Variants in SGK1 observed in about 807,000 individuals in gnomAD.
The protein encoded by SGK1 is serum/glucocorticoid regulated kinase 1.
SGK1 carries 26 observed loss-of-function variants against 64.2 expected under a neutral mutation model. The observed-to-expected ratio is 0.40, with a 90% CI of 0.30 to 0.56. The LOEUF is 0.56. SGK1 is among the 20% of genes least tolerant of loss of function. The pLI, the probability that SGK1 is intolerant of heterozygous loss-of-function variation, is 0.38. For missense variants in SGK1, 519 were observed against 645.6 expected (o/e 0.80, Z 2.12); for synonymous variants, 265 against 239.7 (o/e 1.11, Z -0.98).
At chr6:134,298,019 C>A in intron 1 of SGK1, 1 of 891,478 alleles carries the variant, frequency 1.1e-6, no homozygotes, top group Non-Finnish European at 1.9e-6. Context: ...TCTGGGACTG[C>A]AGCTCCCGAT....
chr6:134,292,866 T>G (rs1298970776), intron 1 of SGK1, among the ~76,000 whole-genome samples: 20 of 152,208 alleles, frequency 1.3e-4, no homozygotes, highest in Non-Finnish European at 1.9e-4. Flanking sequence ...GAAGTACTAC[T>G]GATACATCTT....
At chr6:134,203,546 A>G (rs1249607893) in intron 3 of SGK1, among the ~76,000 whole-genome samples, 1 of 152,204 alleles carries the variant, frequency 6.6e-6, no homozygotes, top group Non-Finnish European at 1.5e-5. Context: ...TAAGAGGAAA[A>G]TCTAACCACA....
intron 1 of SGK1, among the ~76,000 whole-genome samples, chr6:134,303,273 T>A (rs1409735348): frequency 6.6e-6 from 1 of 151,838 alleles, no homozygotes; most frequent in Non-Finnish European, 1.5e-5. Flanking sequence ...GCGCCTGTAA[T>A]CCCAGCTACT....
chr6:134,259,019 A>C (rs1776724517), intron 2 of SGK1, among the ~76,000 whole-genome samples: 5 of 152,168 alleles, frequency 3.3e-5, no homozygotes, highest in Admixed American at 3.3e-4. Context: ...AGTATGTGTC[A>C]TTTTGATTTG....
intron 2 of SGK1, among the ~76,000 whole-genome samples, chr6:134,218,338 A>C (rs1776020158): frequency 6.6e-6 from 1 of 152,168 alleles, no homozygotes; most frequent in Non-Finnish European, 1.5e-5. Flanking sequence ...TGGATAACTT[A>C]TTATACAATA....
Position 134,186,824 on chromosome 6 carries a change from G to GTT in SGK1, c.362-12240_362-12239dup, listed in dbSNP as rs964420471. Among the ~76,000 whole-genome samples the GTT allele has an allele frequency of 3.4e-5, 5 of 147,718 alleles. No homozygotes were observed. In the South Asian group the frequency reaches 1.1e-3, roughly 32 times the overall value. On this transcript the variant is annotated intron_variant, in intron 3 of 13. Transcript: ENST00000367858. The stretch of plus-strand genomic sequence containing the variant: ...CATACACTTCTGGGTTTTTTTTTTG[G>GTT]TTTTTTTTTTGAGACGCAGTCTCAC...
chr6:134,177,433 C>T (rs1286755056), intron 3 of SGK1, among the ~76,000 whole-genome samples: 1 of 152,208 alleles, frequency 6.6e-6, no homozygotes, highest in Admixed American at 6.5e-5. Flanking sequence ...CTAGCCCAGC[C>T]TAGCTCTGCT....
rs184076667 is a variant in SGK1 at position 134,169,544 on chromosome 6, C to G, written c.*724G>C. 3 of 152,516 alleles carry G rather than the reference C, an allele frequency of 2.0e-5. No homozygotes were observed. In the East Asian group the frequency reaches 5.8e-4, roughly 29 times the overall value. 9.4% of individuals were successfully genotyped at this position (152,516 alleles called of 1,614,324 possible). A position where few individuals can be genotyped will look rare whatever the true frequency, so the allele number is the denominator to read the frequency against. On this transcript the variant is annotated 3_prime_UTR_variant, in exon 14 of 14. Transcript: ENST00000367858. ...TAAACAATGAAAAACACCAACGGCT[C>G]TGACTGACAACTGGGGCATTGGTCC... is the stretch of plus-strand genomic sequence containing the variant.
intron 1 of SGK1, among the ~76,000 whole-genome samples, chr6:134,293,090 T>G (rs1397295926): frequency 6.6e-6 from 1 of 152,212 alleles, no homozygotes; most frequent in Non-Finnish European, 1.5e-5. Flanking sequence ...GAGAGAATAT[T>G]TTTAAGTTCT....
At chr6:134,306,774 T>C (rs2327498) in intron 1 of SGK1, among the ~76,000 whole-genome samples, 119 of 152,172 alleles carry the variant, frequency 7.8e-4, no homozygotes, top group African/African-American at 2.8e-3. Context: ...CCCAAAGTGC[T>C]GGGATTACAG....
At chr6:134,235,982 C>T (rs549752164) in intron 2 of SGK1, among the ~76,000 whole-genome samples, 2 of 152,152 alleles carry the variant, frequency 1.3e-5, no homozygotes, top group South Asian at 2.1e-4. Flanking sequence ...GTGACTCCAA[C>T]CATGGAGAGT....
At position 134,282,521 on chromosome 6, in the gene SGK1, C is replaced by T. The variant is rs561610286; in HGVS notation, c.70-20373G>A. Among the ~76,000 whole-genome samples, 26 of 150,440 alleles carry T rather than the reference C, an allele frequency of 1.7e-4. No homozygotes were observed. The South Asian group carries it at 2.9e-3, about 17-fold the overall frequency. On this transcript the variant is annotated intron_variant, in intron 1 of 13. Transcript: ENST00000367858. Reference sequence around the variant, plus strand: ...ACAAAAAATTAGCTGGGCATGGTGGCGCACACCTGTAATTCCAGCTACTCG... The same window carrying T: ...ACAAAAAATTAGCTGGGCATGGTGGTGCACACCTGTAATTCCAGCTACTCG...
intron 2 of SGK1, among the ~76,000 whole-genome samples, chr6:134,219,353 C>T (rs1425637765): frequency 6.6e-6 from 1 of 152,116 alleles, no homozygotes; most frequent in African/African-American, 2.4e-5. Context: ...CATGTCCAAA[C>T]ACCCGTTTCC....
intron 3 of SGK1, among the ~76,000 whole-genome samples, chr6:134,179,034 A>T (rs575214324): frequency 1.3e-5 from 2 of 152,310 alleles, no homozygotes; most frequent in South Asian, 4.1e-4. Context: ...TGGACTATAA[A>T]TGCTAAAACC....
chr6:134,196,951 G>A (rs1775602840), intron 3 of SGK1, among the ~76,000 whole-genome samples: 1 of 152,106 alleles, frequency 6.6e-6, no homozygotes, highest in African/African-American at 2.4e-5. Flanking sequence ...GAATGTATAA[G>A]GCTGGGTGCA....
intron 3 of SGK1, among the ~76,000 whole-genome samples, chr6:134,193,127 T>C (rs1350415448): frequency 1.3e-5 from 2 of 152,250 alleles, no homozygotes; most frequent in Non-Finnish European, 2.9e-5. Context: ...GCTGATATCA[T>C]GTCTTACATA....
intron 1 of SGK1, among the ~76,000 whole-genome samples, chr6:134,286,289 C>T (rs771120730): frequency 4.6e-5 from 7 of 152,058 alleles, no homozygotes; most frequent in Non-Finnish European, 8.8e-5. Flanking sequence ...GGAGGCCTGT[C>T]TCTACAAAAA....
At chr6:134,189,142 G>A (rs1237796730) in intron 3 of SGK1, among the ~76,000 whole-genome samples, 1 of 151,616 alleles carries the variant, frequency 6.6e-6, no homozygotes, top group Non-Finnish European at 1.5e-5. Flanking sequence ...ATCCCCAGAG[G>A]ATTGTTTGAT....
rs779771297 is a variant in SGK1 at position 134,170,388 on chromosome 6, C to G, written c.1461G>C (p.Glu487Asp). ...ACTTGCCAATGGAGTTGGGGACAGG[C>G]TCTTCGGTAAACTCGGGGTCAAAGT... ...LRHFDPEFTE[E>D]PVPNSIGKSP... Residue 487 changes from glutamate (E) to aspartate (D), a missense_variant, in exon 14 of 14, where the codon GAG (glutamate) becomes GAC (aspartate). Glu to Asp is a conservative substitution (Grantham distance 45). Coordinates refer to ENST00000367858, the MANE Select transcript of SGK1 (RefSeq NM_001143676.3). 2.5e-6 allele frequency: 4 copies of G among 1,613,902 alleles called. No homozygotes were observed. In the African/African-American group the frequency reaches 5.3e-5, roughly 22 times the overall value.
Sources: gnomAD v4.1 joint callset for allele counts (sites outside exome capture counted in the v4.1 genomes callset) on GRCh38, gnomAD v4.1.1 for gene constraint, MANE v1.5 for transcripts, NCBI Gene and HGNC (gene_info 2026-07-23, HGNC 2026-07-21) for gene names.